SCNN1D: variants seen among roughly 807,000 people sequenced by gnomAD.
The protein encoded by SCNN1D is epithelial sodium channel subunit delta.
SCNN1D carries 104 observed loss-of-function variants against 87.8 expected under a neutral mutation model. The observed-to-expected ratio is 1.18, with a 90% CI of 1.01 to 1.39. The LOEUF is 1.39. SCNN1D is among the 40% of genes most tolerant of loss of function. The pLI, the probability that SCNN1D is intolerant of heterozygous loss-of-function variation, is 0.00. For missense variants in SCNN1D, 1,324 were observed against 1,093.9 expected (o/e 1.21, Z -2.97); for synonymous variants, 628 against 481.2 (o/e 1.31, Z -3.99).
chr1:1,283,032 G>A (rs140892835), intron 4 of SCNN1D, among the ~76,000 whole-genome samples: 102 of 152,250 alleles, frequency 6.7e-4, no homozygotes, highest in African/African-American at 2.4e-3. Context: ...GATTACAGGC[G>A]TGAGCCACCG....
At position 1,290,515 on chromosome 1, in the gene SCNN1D, C is replaced by T; in HGVS notation, c.1819C>T (p.His607Tyr). Residue 607 changes from histidine to tyrosine, a missense_variant, in exon 14 of 18, where the codon CAC becomes TAC. Physicochemically the swap from His to Tyr is moderately conservative, Grantham distance 83. Coordinates refer to ENST00000379116, the MANE Select transcript of SCNN1D (RefSeq NM_001130413.4). ...CCGCCTCTACCAGGACCTGGAGACCCACCGGCTCCCCTGTACCTCCCGCTG... is the reference window on the plus strand; with the variant it reads ...CCGCCTCTACCAGGACCTGGAGACCTACCGGCTCCCCTGTACCTCCCGCTG... ...FYRLYQDLET[H>Y]RLPCTSRCPR... 2 of 1,612,742 alleles carry T rather than the reference C, an allele frequency of 1.2e-6. No individual in the cohort carries two copies. Among genetic ancestry groups the T allele is most frequent in the Non-Finnish European group, 1.7e-6 (2 of 1,179,936 alleles).
intron 14 of SCNN1D, 27 bp downstream of exon 14, chr1:1,290,582 C>G: frequency 6.2e-7 from 1 of 1,612,514 alleles, no homozygotes; most frequent in South Asian, 1.1e-5. Flanking sequence ...GGGGTCGCGG[C>G]CAGGGATCAT....
At chr1:1,282,452 G>C in intron 4 of SCNN1D, 137 bp downstream of exon 4, 1 of 997,992 alleles carries the variant, frequency 1.0e-6, no homozygotes, top group South Asian at 1.7e-5. Context: ...TTCCAACCTG[G>C]GCCCGGCTCG....
Position 1,291,820 on chromosome 1 carries a change from G to C in SCNN1D, c.*210G>C. Reference sequence around the variant, plus strand: ...TCTCAAGGAGGCCCGGGGCGGAGGGGGGTTCCCGCGTGCACACGAGTGCGG... The same window carrying C: ...TCTCAAGGAGGCCCGGGGCGGAGGGCGGTTCCCGCGTGCACACGAGTGCGG... On this transcript the variant is annotated 3_prime_UTR_variant, in exon 18 of 18. Coordinates refer to ENST00000379116, the MANE Select transcript of SCNN1D (RefSeq NM_001130413.4). The C allele has an allele frequency of 2.2e-6, 1 of 460,676 alleles. No individual in the cohort carries two copies. The highest frequency in any genetic ancestry group is 3.8e-6 in the Non-Finnish European group (1 of 262,984). The allele number at this position is 460,676 out of a possible 1,614,324, so 28.5% of individuals were successfully genotyped here.
chr1:1,285,526 C>T (rs1310331906), intron 5 of SCNN1D, 45 bp from the exon 6 acceptor site: 2 of 1,323,650 alleles, frequency 1.5e-6, no homozygotes, highest in Non-Finnish European at 2.0e-6. Flanking sequence ...GCCCCAGACC[C>T]CACGCGGGGC....
chr1:1,290,721 G>A (rs746923248), intron 15 of SCNN1D, 27 bp downstream of exon 15: 5 of 1,611,878 alleles, frequency 3.1e-6, no homozygotes, highest in Non-Finnish European at 4.2e-6. Context: ...GTGGGGTGGG[G>A]GTGTGGACAG....
At chr1:1,285,825 A>C in intron 6 of SCNN1D, 101 bp from the exon 7 acceptor site, 1 of 1,300,606 alleles carries the variant, frequency 7.7e-7, no homozygotes. Flanking sequence ...GCGACCGAGC[A>C]GGTAGGGCGG....
At chr1:1,285,453 G>A in intron 5 of SCNN1D, 118 bp from the exon 6 acceptor site, 1 of 678,098 alleles carries the variant, frequency 1.5e-6, no homozygotes, top group South Asian at 2.1e-5. Flanking sequence ...GTCCTCAGCA[G>A]GCCACACTGG....
intron 12 of SCNN1D, among the ~76,000 whole-genome samples, chr1:1,288,623 C>T (rs1157046184): frequency 2.0e-5 from 2 of 102,168 alleles, no homozygotes; most frequent in Non-Finnish European, 2.0e-5. Context: ...GTCTCTGCTC[C>T]GTCCCCCGTG....
chr1:1,286,395 A>G (rs939113252), intron 7 of SCNN1D, 117 bp downstream of exon 7: 5 of 827,544 alleles, frequency 6.0e-6, no homozygotes, highest in African/African-American at 1.7e-5. Flanking sequence ...TGTGTGGTCA[A>G]TGCCACCCTC....
At position 1,287,922 on chromosome 1, in the gene SCNN1D, G is replaced by C; in HGVS notation, c.1564-17G>C. 6.5e-7 allele frequency: 1 copy of C among 1,535,304 alleles called. No homozygotes were observed. Among genetic ancestry groups the C allele is most frequent in the Non-Finnish European group, 8.8e-7 (1 of 1,137,294 alleles). On this transcript the variant is annotated splice_polypyrimidine_tract_variant and intron_variant, in intron 11 of 17. Transcript: ENST00000379116. ...GGGTGAGGGCAGGGCCCATGGAACT[G>C]AAGCGTCCCCTCCCAGGACGAGGTG...
At position 1,281,612 on chromosome 1, in the gene SCNN1D, T is replaced by C. The variant is rs1321655918; in HGVS notation, c.277+2T>C. The C allele has an allele frequency of 1.2e-5, 18 of 1,534,518 alleles. No homozygotes were observed. The highest frequency in any genetic ancestry group is 1.7e-4 in the Middle Eastern group (1 of 5,984). On this transcript the variant is annotated splice_donor_variant, in intron 3 of 17. Transcript: ENST00000379116. LOFTEE classifies it high-confidence loss of function. ...GCCCGATACAGGGGTGTGGGACAGG[T>C]GACTGAACCTCAGCCCTTAGAGGCC...
rs771332650 is a variant in SCNN1D at position 1,285,685 on chromosome 1, T to C, written c.558+21T>C. 23 of 1,504,772 alleles carry C rather than the reference T, an allele frequency of 1.5e-5. No individual in the cohort carries two copies. In the South Asian group the frequency reaches 2.8e-4, roughly 18 times the overall value. The allele number at this position is 1,504,772 out of a possible 1,614,324, so 93.2% of individuals were successfully genotyped here. A position where few individuals can be genotyped will look rare whatever the true frequency, so the allele number is the denominator to read the frequency against. The stretch of plus-strand genomic sequence containing the variant: ...GCCAGGTAGGGCCTGAGCACCCTGT[T>C]CTCTGAGTCCTGCTGCCCCAGCAGC... On this transcript the variant is annotated intron_variant, in intron 6 of 17. Transcript: ENST00000379116.
Position 1,291,477 on chromosome 1 carries a change from C to T in SCNN1D, c.2276C>T (p.Ala759Val). 1 of 1,609,138 alleles carries T rather than the reference C, an allele frequency of 6.2e-7. No individual in the cohort carries two copies. Among genetic ancestry groups the T allele is most frequent in the Non-Finnish European group, 8.5e-7 (1 of 1,177,732 alleles). Residue 759 changes from alanine to valine, a missense_variant, in exon 18 of 18, where the codon GCA (alanine) becomes GTA (valine). By Grantham distance (64) the Ala-to-Val change is moderately conservative (BLOSUM62 0). Transcript: ENST00000379116. ...KPEASQMPPPAGGTSDDPEPS... is the reference protein window; with the variant it reads ...KPEASQMPPPVGGTSDDPEPS... ...GAGGCCAGTCAGATGCCCCCGCCTG[C>T]AGGCGGCACGTCAGATGACCCGGAG...
Position 1,283,982 on chromosome 1 carries a change from C to A in SCNN1D, c.356C>A (p.Ala119Asp). Reference protein sequence around the residue: ...AAASFQSRQEARGSILLQSCQ... With the variant: ...AAASFQSRQEDRGSILLQSCQ... ...CAGCCAGCCTGTTTTAAATAGGAGG[C>A]CAGAGGCTCCATCCTGCTTCAGAGC... Residue 119 changes from alanine to aspartate, a missense_variant, in exon 5 of 18, where the codon GCC becomes GAC. Physicochemically the swap from Ala to Asp is moderately radical, Grantham distance 126. Transcript: ENST00000379116. The A allele has an allele frequency of 6.9e-7, 1 of 1,457,100 alleles. No individual in the cohort carries two copies. Among genetic ancestry groups the A allele is most frequent in the Non-Finnish European group, 9.0e-7 (1 of 1,108,036 alleles). 90.3% of individuals were successfully genotyped at this position (1,457,100 alleles called of 1,614,324 possible).
intron 12 of SCNN1D, 146 bp downstream of exon 12, chr1:1,288,183 C>T (rs942483029): frequency 6.3e-6 from 4 of 634,038 alleles, no homozygotes; most frequent in Non-Finnish European, 1.1e-5. Flanking sequence ...ACTCCATCCC[C>T]CGTGTCCCCG....
Position 1,287,406 on chromosome 1 carries a change from G to T in SCNN1D, c.1311-102G>T, listed in dbSNP as rs573744862. On this transcript the variant is annotated intron_variant, in intron 9 of 17. Coordinates refer to ENST00000379116, the MANE Select transcript of SCNN1D (RefSeq NM_001130413.4). ...GCTGGGAGCCACCCAAGGCTGGCCG[G>T]AGGAACTTTCCGCAGACACAGGGCA... 54 of 1,490,728 alleles carry T rather than the reference G, an allele frequency of 3.6e-5. No homozygotes were observed. The African/African-American group carries it at 7.0e-4, about 19-fold the overall frequency. 92.3% of individuals were successfully genotyped at this position (1,490,728 alleles called of 1,614,324 possible).
chr1:1,281,802 G>A (rs1640476374), intron 3 of SCNN1D, 192 bp downstream of exon 3: 2 of 611,086 alleles, frequency 3.3e-6, no homozygotes, highest in South Asian at 2.0e-5. Flanking sequence ...CCTGCAAGCT[G>A]CCCTTTGGCT....
chr1:1,282,453 G>A, intron 4 of SCNN1D, 138 bp downstream of exon 4: 1 of 1,002,338 alleles, frequency 1.0e-6, no homozygotes, highest in South Asian at 1.7e-5. Flanking sequence ...TCCAACCTGG[G>A]CCCGGCTCGG....
Sources: allele counts gnomAD v4.1 joint callset (sites outside exome capture counted in the v4.1 genomes callset), GRCh38; gene constraint gnomAD v4.1.1; transcripts MANE v1.5; gene names NCBI Gene and HGNC (gene_info 2026-07-23, HGNC 2026-07-21).